The following SHISA9 variants were observed in gnomAD, a reference collection of about 807,000 sequenced individuals.
The protein encoded by SHISA9 is protein shisa-9.
Under a neutral mutation model 38.0 loss-of-function variants are expected in SHISA9, and 13 were observed. The ratio of observed to expected loss-of-function variants is 0.34; its 90% CI spans 0.22 to 0.54. The LOEUF is 0.54. SHISA9 is among the 20% of genes least tolerant of loss of function. SHISA9 has a pLI of 0.91. For synonymous variants in SHISA9, 275 were observed against 242.0 expected, an observed-to-expected ratio of 1.14 and a Z score of -1.27; for missense variants, 538 against 575.8, an observed-to-expected ratio of 0.93 and a Z score of 0.67.
chr16:13,541,730 C>G, the SHISA9 span, among the ~76,000 whole-genome samples: 1 of 152,168 alleles, frequency 6.6e-6, no homozygotes, highest in Non-Finnish European at 1.5e-5. Flanking sequence ...CCCATGAACT[C>G]AACTCTTGTT....
the SHISA9 span, among the ~76,000 whole-genome samples, chr16:13,498,509 C>G: frequency 6.6e-6 from 1 of 152,176 alleles, no homozygotes; most frequent in Non-Finnish European, 1.5e-5. Flanking sequence ...GTAATCCCAG[C>G]ACTTTGGGAG....
chr16:13,311,127 T>G, the SHISA9 span, among the ~76,000 whole-genome samples: 1 of 152,132 alleles, frequency 6.6e-6, no homozygotes, highest in Non-Finnish European at 1.5e-5. Context: ...TGTCTCTCGT[T>G]TCTGCTTCTC....
chr16:13,152,861 G>T (rs1448729304), intron 2 of SHISA9, among the ~76,000 whole-genome samples: 3 of 152,170 alleles, frequency 2.0e-5, no homozygotes, highest in Admixed American at 2.0e-4. Flanking sequence ...GAGAATTAAG[G>T]TTGGAGATAA....
chr16:12,915,994 TTTG>T (rs1403646232), intron 1 of SHISA9, among the ~76,000 whole-genome samples: 965 of 93,230 alleles, frequency 0.01, 13 homozygotes, highest in African/African-American at 0.029. Context: ...GAGTTTTTTT[TTTG>T]TGTGTGTGTG....
the SHISA9 span, among the ~76,000 whole-genome samples, chr16:13,431,132 T>C: frequency 6.6e-6 from 1 of 152,146 alleles, no homozygotes; most frequent in African/African-American, 2.4e-5. Context: ...CCTGCCCAGA[T>C]AAGCTGCATG....
At chr16:13,516,508 T>C in the SHISA9 span, among the ~76,000 whole-genome samples, 3,955 of 152,210 alleles carry the variant, frequency 0.026, 178 homozygotes, top group African/African-American at 0.09. Context: ...AGAAGAATTA[T>C]AGGGCCAGTA....
chr16:13,207,280 T>C (rs980763538), intron 3 of SHISA9, among the ~76,000 whole-genome samples: 5 of 152,200 alleles, frequency 3.3e-5, no homozygotes, highest in African/African-American at 1.2e-4. Flanking sequence ...AGGGATATTC[T>C]AACAGAAATT....
At chr16:13,169,470 GAGAT>G (rs1354863926) in intron 2 of SHISA9, among the ~76,000 whole-genome samples, 4 of 152,072 alleles carry the variant, frequency 2.6e-5, no homozygotes, top group Admixed American at 1.3e-4. Context: ...ATTAATTAGA[GAGAT>G]AGAGCTTTAA....
At chr16:13,283,005 T>C in the SHISA9 span, among the ~76,000 whole-genome samples, 3 of 152,260 alleles carry the variant, frequency 2.0e-5, no homozygotes, top group Admixed American at 2.0e-4. Flanking sequence ...TTGGTTTATA[T>C]TAATGACTTT....
the SHISA9 span, among the ~76,000 whole-genome samples, chr16:13,514,784 T>C: frequency 6.6e-6 from 1 of 152,008 alleles, no homozygotes; most frequent in Admixed American, 6.6e-5. Context: ...ATGCTAACTA[T>C]AAACCCATTG....
At chr16:13,385,037 A>G in the SHISA9 span, among the ~76,000 whole-genome samples, 1 of 152,204 alleles carries the variant, frequency 6.6e-6, no homozygotes, top group Non-Finnish European at 1.5e-5. Context: ...CAGTTTACCA[A>G]AGAAGATATG....
At chr16:13,294,582 A>G in the SHISA9 span, among the ~76,000 whole-genome samples, 6 of 152,220 alleles carry the variant, frequency 3.9e-5, no homozygotes, top group Non-Finnish European at 8.8e-5. Flanking sequence ...GGGGAAAGAA[A>G]TAACATTCCA....
At chr16:13,341,270 C>T in the SHISA9 span, among the ~76,000 whole-genome samples, 1 of 152,124 alleles carries the variant, frequency 6.6e-6, no homozygotes, top group East Asian at 1.9e-4. Context: ...TGTCTTTGTC[C>T]CCACCCTTGC....
At chr16:13,395,612 A>T in the SHISA9 span, among the ~76,000 whole-genome samples, 2 of 152,228 alleles carry the variant, frequency 1.3e-5, no homozygotes, top group African/African-American at 4.8e-5. Context: ...TAGCTTTTAA[A>T]TGTATGTCTA....
chr16:13,004,014 T>G (rs2072562979), intron 2 of SHISA9, among the ~76,000 whole-genome samples: 1 of 152,200 alleles, frequency 6.6e-6, no homozygotes. Context: ...AGAGATGTCC[T>G]GGGTGAACCA....
chr16:13,369,770 T>C, the SHISA9 span, among the ~76,000 whole-genome samples: 1 of 152,020 alleles, frequency 6.6e-6, no homozygotes, highest in Non-Finnish European at 1.5e-5. Context: ...TTGAGAAGAA[T>C]GTCAAAGAAT....
At chr16:13,071,649 G>A (rs2073520021) in intron 2 of SHISA9, among the ~76,000 whole-genome samples, 1 of 118,892 alleles carries the variant, frequency 8.4e-6, no homozygotes, top group Non-Finnish European at 1.6e-5. Context: ...CCTCCTTCCT[G>A]TCTTTCCTTT....
intron 2 of SHISA9, among the ~76,000 whole-genome samples, chr16:13,150,051 A>C (rs926120960): frequency 6.7e-6 from 1 of 150,252 alleles, no homozygotes; most frequent in African/African-American, 2.4e-5. Context: ...AAAAAAAAAA[A>C]AAAACTAGCC....
chr16:13,232,923 T>C (rs562705105), intron 4 of SHISA9, among the ~76,000 whole-genome samples: 113 of 152,280 alleles, frequency 7.4e-4, no homozygotes, highest in African/African-American at 2.5e-3. Flanking sequence ...AGTTAATCTC[T>C]TTACGATTGG....
Sources: allele counts gnomAD v4.1 joint callset (sites outside exome capture counted in the v4.1 genomes callset), GRCh38; gene constraint gnomAD v4.1.1; transcripts MANE v1.5; gene names NCBI Gene and HGNC (gene_info 2026-07-23, HGNC 2026-07-21).